SEC16A: variants seen among roughly 807,000 people sequenced by gnomAD.
SEC16A encodes SEC16 homolog A, endoplasmic reticulum export factor.
SEC16A carries 110 observed loss-of-function variants against 221.9 expected under a neutral mutation model. That is an observed-to-expected ratio of 0.50 (90% confidence interval 0.42 to 0.58). The LOEUF (loss-of-function observed/expected upper bound fraction) is 0.58. Ranked by LOEUF, SEC16A falls within the 20% of genes least tolerant of loss-of-function variation. SEC16A has a pLI of 0.00. For synonymous variants in SEC16A, 1,393 were observed against 1,257.7 expected (o/e 1.11, Z -2.28); for missense variants, 3,165 against 3,097.8 (o/e 1.02, Z -0.52).
At chr9:136,460,926 A>G (rs1437273476) in intron 13 of SEC16A, among the ~76,000 whole-genome samples, 2 of 152,242 alleles carry the variant, frequency 1.3e-5, no homozygotes, top group Non-Finnish European at 2.9e-5. Context: ...AAAAAGCTAT[A>G]AAAGATGAAG....
chr9:136,441,944 C>G, intron 31 of SEC16A, 121 bp from the exon 32 acceptor site: 1 of 823,870 alleles, frequency 1.2e-6, no homozygotes, highest in Non-Finnish European at 2.0e-6. Flanking sequence ...CGCTGACAAG[C>G]TGAAGGCTTC....
intron 3 of SEC16A, among the ~76,000 whole-genome samples, chr9:136,472,604 C>A (rs1213491483): frequency 6.6e-6 from 1 of 152,244 alleles, no homozygotes; most frequent in East Asian, 1.9e-4. Flanking sequence ...CAGCCAGGAG[C>A]AGCCTCTAAA....
rs1191811852 is a variant in SEC16A, at chr9:136,474,849, T to A, written c.2767A>T (p.Asn923Tyr). ...TGGGATGGTGGTTGAACCAGCAAAT[T>A]AGCAGGCTGATTAGAAACCATTTCG... The part of the protein sequence containing the change: ...ASEMVSNQPA[N>Y]LLVQPPSQPV... Residue 923 changes from asparagine (N) to tyrosine (Y), a missense_variant, in exon 3 of 32, where the codon AAT becomes TAT. Asn to Tyr is a moderately radical substitution (Grantham distance 143, BLOSUM62 -2). This residue lies in a region of SEC16A where 2,030 missense variants were observed against 1,923.1 expected (regional missense o/e 1.06). Transcript: ENST00000684901. 6.2e-7 allele frequency: 1 copy of A among 1,613,796 alleles called. No individual in the cohort carries two copies. The highest frequency in any genetic ancestry group is 8.5e-7 in the Non-Finnish European group (1 of 1,179,876).
chr9:136,448,049 C>A (rs1290017858), intron 24 of SEC16A, 35 bp downstream of exon 24: 2 of 1,585,164 alleles, frequency 1.3e-6, no homozygotes, highest in Non-Finnish European at 1.7e-6. Context: ...CATTACAATT[C>A]TTCGGACGTC....
chr9:136,459,713 G>T lies in SEC16A; in HGVS notation c.5191+44C>A. 6.7e-7 allele frequency: 1 copy of T among 1,499,956 alleles called. No individual in the cohort carries two copies. Among genetic ancestry groups the T allele is most frequent in the Non-Finnish European group, 9.1e-7 (1 of 1,097,662 alleles). The allele number at this position is 1,499,956 out of a possible 1,614,324, so 92.9% of individuals were successfully genotyped here. ...CGCCACAGACAACCGGGCCTTCGGC[G>T]CTCCATCCGCGACACCCAATGCCCA... On this transcript the variant is annotated intron_variant, in intron 15 of 31. Transcript: ENST00000684901. This position sits in a 1 kb window ranked among gnomAD's most constrained non-coding sequence, Gnocchi z 6.1.
chr9:136,459,974 G>A lies in SEC16A; in HGVS notation c.5073+68C>T. Reference sequence around the variant, plus strand: ...ACCAGGCACCTCACGGCCTGTGACAGCGTCACCCACGAGCAAACTCCACAC... The same window carrying A: ...ACCAGGCACCTCACGGCCTGTGACAACGTCACCCACGAGCAAACTCCACAC... On this transcript the variant is annotated intron_variant, in intron 14 of 31. Coordinates refer to ENST00000684901, the MANE Select transcript of SEC16A (RefSeq NM_014866.2). The surrounding 1 kb of genome is among the most constrained non-coding windows in gnomAD (Gnocchi z 6.1). 1 of 1,538,882 alleles carries A rather than the reference G, an allele frequency of 6.5e-7. No homozygotes were observed. Among genetic ancestry groups the A allele is most frequent in the Non-Finnish European group, 8.9e-7 (1 of 1,127,892 alleles).
At chr9:136,483,871 C>T (rs919983138), upstream of SEC16A, 3 of 924,110 alleles carry the variant, frequency 3.2e-6, no homozygotes, top group African/African-American at 5.4e-5. Context: ...GCGCTGGTTG[C>T]CTGGTTACGG....
chr9:136,474,344 C>T lies in SEC16A; in HGVS notation c.3272G>A (p.Gly1091Glu), dbSNP rs1488490593. The T allele has an allele frequency of 1.2e-6, 2 of 1,612,406 alleles. No homozygotes were observed. The highest frequency in any genetic ancestry group is 2.7e-5 in the African/African-American group (2 of 74,932). Residue 1091 changes from glycine to glutamate, a missense_variant, in exon 3 of 32, where the codon GGA becomes GAA. This residue lies in a region of SEC16A where 2,030 missense variants were observed against 1,923.1 expected (regional missense o/e 1.06). Transcript: ENST00000684901. ...TGACTGTGCTGAGTTCTGGGCCTGT[C>T]CCTGTGCGGGCAGACTTTCTGGATT... ...LSNPESLPAQ[G>E]QAQNSAQSPA...
chr9:136,446,896 C>T lies in SEC16A; in HGVS notation c.6751G>A (p.Ala2251Thr). ...GGCTCTGGATTGGCCAGGCCCCTAG[C>T]TGCTGCAGGCCCTTCCCTGCCAGTC... ...DGTGREGPAAARGLANPEPAP... is the reference protein window; with the variant it reads ...DGTGREGPAATRGLANPEPAP... The change falls in exon 28 of 32, where the codon GCT becomes ACT. Residue 2251 changes from alanine to threonine, a missense_variant. This residue lies in a region of SEC16A where 1,088 missense variants were observed against 1,089.6 expected (regional missense o/e 1.00). Transcript: ENST00000684901. 1 of 1,613,226 alleles carries T rather than the reference C, an allele frequency of 6.2e-7. No individual in the cohort carries two copies. The highest frequency in any genetic ancestry group is 8.5e-7 in the Non-Finnish European group (1 of 1,179,726).
At position 136,472,027 on chromosome 9, in the gene SEC16A, G is replaced by C; in HGVS notation, c.3652C>G (p.Pro1218Ala). 1 of 1,612,280 alleles carries C rather than the reference G, an allele frequency of 6.2e-7. No homozygotes were observed. Among genetic ancestry groups the C allele is most frequent in the Non-Finnish European group, 8.5e-7 (1 of 1,179,888 alleles). Residue 1218 changes from proline to alanine, a missense_variant, in exon 4 of 32, where the codon CCC becomes GCC. Coordinates refer to ENST00000684901, the MANE Select transcript of SEC16A (RefSeq NM_014866.2). The stretch of plus-strand genomic sequence containing the variant: ...CTGGCTCGGGAGCTGGGCCGCTCGG[G>C]CTCGGGATAGCGGTAGTTCTGGGCG... ...AYAQNYRYPE[P>A]ERPSSRASHS...
Position 136,476,048 on chromosome 9 carries a change from G to A in SEC16A, c.1568C>T (p.Ser523Phe), listed in dbSNP as rs1241806297. The change falls in exon 3 of 32, where the codon TCC becomes TTC. Residue 523 changes from serine to phenylalanine, a missense_variant. Coordinates refer to ENST00000684901, the MANE Select transcript of SEC16A (RefSeq NM_014866.2). ...TCCGTGGCTTCTGCTGCTATAGCTG[G>A]ATGACACGCTGTCAGGGTGCACTGT... ...LHTVHPDSVS[S>F]SYSSRSHGRL... 2 of 1,613,504 alleles carry A rather than the reference G, an allele frequency of 1.2e-6. No homozygotes were observed. The highest frequency in any genetic ancestry group is 3.3e-5 in the Admixed American group (2 of 60,000).
chr9:136,469,140 G>A (rs946359426), intron 4 of SEC16A, among the ~76,000 whole-genome samples: 9 of 152,180 alleles, frequency 5.9e-5, no homozygotes, highest in African/African-American at 2.2e-4. Flanking sequence ...GTGACCCACA[G>A]TGCCCGGTCT....
Position 136,461,267 on chromosome 9 carries a change from A to G in SEC16A, c.4901T>C (p.Leu1634Ser). Residue 1634 changes from leucine (L) to serine (S), a missense_variant, in exon 13 of 32, where the codon TTG (leucine) becomes TCG (serine). Physicochemically the swap from Leu to Ser is moderately radical, Grantham distance 145. Coordinates refer to ENST00000684901, the MANE Select transcript of SEC16A (RefSeq NM_014866.2). ...LLLYGRKKDA[L>S]ESAMKNGLWG... The stretch of plus-strand genomic sequence containing the variant: ...CAGGCCATTCTTCATTGCAGACTCC[A>G]AAGCATCCTGCAAAAGGCATTTCAG... 6.2e-7 allele frequency: 1 copy of G among 1,602,756 alleles called. No homozygotes were observed. The highest frequency in any genetic ancestry group is 8.5e-7 in the Non-Finnish European group (1 of 1,174,586).
intron 1 of SEC16A, among the ~76,000 whole-genome samples, chr9:136,479,872 C>T (rs1842105884): frequency 6.6e-6 from 1 of 151,640 alleles, no homozygotes; most frequent in African/African-American, 2.4e-5. Flanking sequence ...CGTGGTGGTG[C>T]GTGCCTGTAG....
Position 136,476,785 on chromosome 9 carries a change from A to T in SEC16A, c.831T>A (p.Ser277Arg). ...AGTGGCTCACCTCGTCTCTTCCGTC[A>T]CTGGGCAAGGCTGCTGGGGGAGCCA... ...PLVAPPAALP[S>R]DGRDEVSHLQ... Residue 277 changes from serine (S) to arginine (R), a missense_variant, in exon 3 of 32, where the codon AGT becomes AGA. Ser to Arg is a moderately radical substitution (Grantham distance 110, BLOSUM62 -1). Around this residue, in one of 3 missense-constraint regions of SEC16A, gnomAD observed 2,030 missense variants for 1,923.1 expected, o/e 1.06. Coordinates refer to ENST00000684901, the MANE Select transcript of SEC16A (RefSeq NM_014866.2). 1 of 1,611,260 alleles carries T rather than the reference A, an allele frequency of 6.2e-7. No homozygotes were observed. The highest frequency in any genetic ancestry group is 8.5e-7 in the Non-Finnish European group (1 of 1,178,106).
Position 136,454,113 on chromosome 9 carries a change from G to A in SEC16A, c.6072C>T (p.Asp2024=). ...ACAGCATCTCTGCAGCCCCACCTGG[G>A]TCTGGGCTCCTGGCTTCCTGGAGCA... ...RHLLQEARSP[D]PGIVPQEAPV... The change falls in exon 21 of 32, where the codon GAC becomes GAT. Residue 2024 remains aspartate, a synonymous_variant. Coordinates refer to ENST00000684901, the MANE Select transcript of SEC16A (RefSeq NM_014866.2). 6.4e-7 allele frequency: 1 copy of A among 1,550,682 alleles called. No homozygotes were observed. The highest frequency in any genetic ancestry group is 2.4e-5 in the East Asian group (1 of 41,118).
intron 23 of SEC16A, 114 bp downstream of exon 23, chr9:136,451,142 T>C: frequency 1.8e-6 from 2 of 1,100,970 alleles, no homozygotes; most frequent in Non-Finnish European, 2.6e-6. Context: ...CTCGGCTGTT[T>C]GTATCAGGAG....
Position 136,441,766 on chromosome 9 carries a change from C to T in SEC16A, c.7063G>A (p.Val2355Met). ...LGRIGQRKHL[V>M]LN ...ACAGCAGGGCAAGCCTAGTTCAGCA[C>T]CAGGTGCTTCCTCTGGCCAATCCTC... Residue 2355 changes from valine (V) to methionine (M), a missense_variant, in exon 32 of 32, where the codon GTG (valine) becomes ATG (methionine). By Grantham distance (21) the Val-to-Met change is conservative (BLOSUM62 1). Coordinates refer to ENST00000684901, the MANE Select transcript of SEC16A (RefSeq NM_014866.2). 1 of 1,613,430 alleles carries T rather than the reference C, an allele frequency of 6.2e-7. No homozygotes were observed. The highest frequency in any genetic ancestry group is 8.5e-7 in the Non-Finnish European group (1 of 1,179,842).
intron 30 of SEC16A, 102 bp downstream of exon 30, chr9:136,444,950 G>T: frequency 1.1e-6 from 1 of 894,822 alleles, no homozygotes; most frequent in Non-Finnish European, 1.8e-6. Flanking sequence ...CAACGGGCGA[G>T]GTTAGTGGCA....
Sources: gnomAD v4.1 joint callset for allele counts (sites outside exome capture counted in the v4.1 genomes callset) on GRCh38, gnomAD v4.1.1 for gene constraint, gnomAD v4.1.1 regional missense constraint, Gnocchi (gnomAD v3.1) non-coding constraint, MANE v1.5 for transcripts, NCBI Gene and HGNC (gene_info 2026-07-23, HGNC 2026-07-21) for gene names.